PCSK2: variants seen among roughly 807,000 people sequenced by gnomAD.
The protein encoded by PCSK2 is neuroendocrine convertase 2.
A neutral mutation model predicts 69.7 loss-of-function variants in PCSK2; 14 were observed. The ratio of observed to expected loss-of-function variants is 0.20; its 90% CI spans 0.13 to 0.31. PCSK2 has a LOEUF of 0.31. Among genes scored for constraint, PCSK2 ranks in the 10% least tolerant of loss-of-function variants. The pLI, the probability that PCSK2 is intolerant of heterozygous loss-of-function variation, is 1.00. For missense variants in PCSK2, 544 were observed against 842.5 expected (o/e 0.65, Z 4.39); for synonymous variants, 307 against 320.7 (o/e 0.96, Z 0.46).
chr20:17,431,935 A>G (rs959576794), intron 7 of PCSK2, among the ~76,000 whole-genome samples: 1 of 152,176 alleles, frequency 6.6e-6, no homozygotes, highest in Non-Finnish European at 1.5e-5. Flanking sequence ...CTAAAGCGCC[A>G]CCTGGTGGCC....
intron 5 of PCSK2, among the ~76,000 whole-genome samples, chr20:17,400,601 A>G (rs1180608418): frequency 6.6e-6 from 1 of 152,208 alleles, no homozygotes; most frequent in Non-Finnish European, 1.5e-5. Flanking sequence ...AATTTTTACT[A>G]ATTTTAATTA....
At chr20:17,338,170 T>TGGGG (rs765753082) in intron 2 of PCSK2, among the ~76,000 whole-genome samples, 2 of 99,782 alleles carry the variant, frequency 2.0e-5, no homozygotes, top group African/African-American at 7.1e-5. Context: ...TACATTTTTT[T>TGGGG]TGGGGGGGGG....
intron 5 of PCSK2, among the ~76,000 whole-genome samples, chr20:17,400,525 T>C (rs1276612376): frequency 1.3e-5 from 2 of 152,104 alleles, no homozygotes; most frequent in Non-Finnish European, 2.9e-5. Context: ...GAGTCCCCTA[T>C]ACAAAATACG....
In PCSK2 at chr20:17,347,954, AAGAAAG is replaced by A. The variant is rs1281341138; in HGVS notation, c.283-10365_283-10360del. 1.6e-3 allele frequency among the ~76,000 whole-genome samples: 82 copies of A among 51,376 alleles called. 7 individuals carry two copies. Among genetic ancestry groups the A allele is most frequent in the African/African-American group, 3.9e-3 (73 of 18,706 alleles). 33.7% of individuals were successfully genotyped at this position (51,376 alleles called of 152,430 possible). A position where few individuals can be genotyped will look rare whatever the true frequency, so the allele number is the denominator to read the frequency against. ...AAAAAGAGAAAGAAAGAAAGAAAGA[AAGAAAG>A]AGAAAGAAAGAAAGAAAGAAAGAGG... is the stretch of plus-strand genomic sequence containing the variant. On this transcript the variant is annotated intron_variant, in intron 2 of 11. Coordinates refer to ENST00000262545, the MANE Select transcript of PCSK2 (RefSeq NM_002594.5).
chr20:17,439,782 T>G (rs770505470), intron 8 of PCSK2, among the ~76,000 whole-genome samples: 2 of 152,214 alleles, frequency 1.3e-5, no homozygotes, highest in African/African-American at 4.8e-5. Flanking sequence ...TTCAGCGCAG[T>G]GGGTGGCCAA....
At chr20:17,477,980 TAA>T (rs1194527783) in intron 11 of PCSK2, among the ~76,000 whole-genome samples, 6 of 152,212 alleles carry the variant, frequency 3.9e-5, no homozygotes, top group South Asian at 2.1e-4. Flanking sequence ...CCCCACATAA[TAA>T]GTCTTCAAAA....
chr20:17,331,904 T>C (rs1228131457), intron 2 of PCSK2, among the ~76,000 whole-genome samples: 1 of 152,136 alleles, frequency 6.6e-6, no homozygotes, highest in Non-Finnish European at 1.5e-5. Context: ...TGCTAGGAAC[T>C]ATGAGAAAGA....
At chr20:17,328,891 A>G (rs1322594171) in intron 2 of PCSK2, among the ~76,000 whole-genome samples, 2 of 152,194 alleles carry the variant, frequency 1.3e-5, no homozygotes, top group Non-Finnish European at 2.9e-5. Context: ...AATGTCAATT[A>G]GTATCTAAAC....
intron 9 of PCSK2, among the ~76,000 whole-genome samples, chr20:17,456,116 T>G (rs998134113): frequency 6.6e-6 from 1 of 152,054 alleles, no homozygotes; most frequent in African/African-American, 2.4e-5. Context: ...GGCACGTGCC[T>G]GTAATCCCAG....
chr20:17,303,468 A>G (rs1282375269), intron 2 of PCSK2, among the ~76,000 whole-genome samples: 4 of 58,780 alleles, frequency 6.8e-5, no homozygotes, highest in African/African-American at 2.6e-4. Context: ...AATATAATAT[A>G]TATTATATAT....
chr20:17,389,376 T>A (rs192129113), intron 5 of PCSK2, among the ~76,000 whole-genome samples: 1 of 152,112 alleles, frequency 6.6e-6, no homozygotes, highest in Admixed American at 6.6e-5. Flanking sequence ...TTATGTGACA[T>A]AGGGCATATA....
At chr20:17,450,016 CCTTTTTTTTTT>C (rs2032789711) in intron 8 of PCSK2, among the ~76,000 whole-genome samples, 1 of 96,716 alleles carries the variant, frequency 1.0e-5, no homozygotes, top group Admixed American at 1.1e-4. Context: ...GAATTTCTTC[CCTTTTTTTTTT>C]TTTTTTTTTT....
chr20:17,429,464 C>G lies in PCSK2; in HGVS notation c.650C>G (p.Ser217Cys). ...SHGTRCAGEV[S>C]AAANNNICGV... ...GGGACCCGATGTGCAGGAGAAGTTT[C>G]TGCTGCCGCCAACAACAATATCTGT... The change falls in exon 7 of 12, where the codon TCT (serine) becomes TGT (cysteine). Residue 217 changes from serine (S) to cysteine (C), a missense_variant. Transcript: ENST00000262545. The G allele has an allele frequency of 6.2e-7, 1 of 1,613,964 alleles. No homozygotes were observed. Among genetic ancestry groups the G allele is most frequent in the Non-Finnish European group, 8.5e-7 (1 of 1,179,926 alleles).
intron 1 of PCSK2, among the ~76,000 whole-genome samples, chr20:17,259,689 G>A (rs1383690148): frequency 1.3e-5 from 2 of 152,190 alleles, no homozygotes; most frequent in Non-Finnish European, 2.9e-5. Context: ...AGGGAAACCA[G>A]ACCTGCCATC....
intron 5 of PCSK2, among the ~76,000 whole-genome samples, chr20:17,383,916 G>A (rs529065262): frequency 2.6e-5 from 4 of 152,112 alleles, no homozygotes; most frequent in African/African-American, 9.6e-5. Context: ...TTCCTCACAG[G>A]GAATGCTTAA....
intron 4 of PCSK2, among the ~76,000 whole-genome samples, chr20:17,366,228 G>A (rs1005195542): frequency 3.3e-5 from 5 of 152,152 alleles, no homozygotes; most frequent in Non-Finnish European, 5.9e-5. Flanking sequence ...CTAGTTCCTC[G>A]AGGTCTCCAG....
chr20:17,353,256 A>G (rs2030059420), intron 2 of PCSK2, among the ~76,000 whole-genome samples: 1 of 151,180 alleles, frequency 6.6e-6, no homozygotes, highest in South Asian at 2.1e-4. Flanking sequence ...AGGTCAGGAG[A>G]TTGAGACCAT....
At chr20:17,378,315 C>A (rs532962642) in intron 5 of PCSK2, among the ~76,000 whole-genome samples, 1 of 152,124 alleles carries the variant, frequency 6.6e-6, no homozygotes, top group East Asian at 1.9e-4. Flanking sequence ...TTCATCAATA[C>A]GATACTAGAC....
intron 2 of PCSK2, among the ~76,000 whole-genome samples, chr20:17,310,707 T>C (rs1293198185): frequency 3.3e-5 from 5 of 150,662 alleles, no homozygotes; most frequent in Non-Finnish European, 5.9e-5. Context: ...CATCAAAAAA[T>C]ATTCATGGAG....
Sources: allele counts gnomAD v4.1 joint callset (sites outside exome capture counted in the v4.1 genomes callset), GRCh38; gene constraint gnomAD v4.1.1; transcripts MANE v1.5; gene names NCBI Gene and HGNC (gene_info 2026-07-23, HGNC 2026-07-21).